CNTN3: variants seen among roughly 807,000 people sequenced by gnomAD.
CNTN3 encodes contactin-3.
Under a neutral mutation model 119.1 loss-of-function variants are expected in CNTN3, and 60 were observed. The ratio of observed to expected loss-of-function variants is 0.50; its 90% confidence interval spans 0.41 to 0.62. CNTN3 has a LOEUF of 0.62. CNTN3 is among the 20% of genes least tolerant of loss of function. CNTN3 has a pLI of 0.00. For synonymous variants in CNTN3, 450 were observed against 438.7 expected (o/e 1.03, Z -0.32); for missense variants, 1,101 against 1,242.4 (o/e 0.89, Z 1.71).
At chr3:74,610,320 C>T (rs1332327581) in intron 1 of CNTN3, among the ~76,000 whole-genome samples, 2 of 132,358 alleles carry the variant, frequency 1.5e-5, no homozygotes, top group Non-Finnish European at 3.1e-5. Flanking sequence ...GAGACCCTGT[C>T]GAAAAAAACA....
intron 4 of CNTN3, among the ~76,000 whole-genome samples, chr3:74,480,670 T>C (rs1318965399): frequency 6.7e-6 from 1 of 149,626 alleles, no homozygotes. Flanking sequence ...TAGATGTTTG[T>C]ACATGCTCAC....
chr3:74,440,647 T>C (rs762162558), intron 4 of CNTN3, among the ~76,000 whole-genome samples: 2 of 152,042 alleles, frequency 1.3e-5, no homozygotes, highest in Non-Finnish European at 2.9e-5. Flanking sequence ...ATACTTTTTT[T>C]CCTGTTGTTA....
intron 11 of CNTN3, among the ~76,000 whole-genome samples, chr3:74,354,543 T>G (rs1470106136): frequency 6.6e-6 from 1 of 151,978 alleles, no homozygotes; most frequent in Non-Finnish European, 1.5e-5. Context: ...TAGGTGGATT[T>G]AAGTGAATGA....
At chr3:74,391,345 T>C (rs762806013) in intron 5 of CNTN3, among the ~76,000 whole-genome samples, 17 of 152,278 alleles carry the variant, frequency 1.1e-4, no homozygotes, top group Non-Finnish European at 1.9e-4. Flanking sequence ...CTCAGGTGTA[T>C]GGGCTCTGAT....
intron 4 of CNTN3, among the ~76,000 whole-genome samples, chr3:74,427,612 G>T (rs558468450): frequency 6.6e-6 from 1 of 151,966 alleles, no homozygotes; most frequent in Non-Finnish European, 1.5e-5. Context: ...AGATGATAAA[G>T]AACACCTACA....
chr3:74,521,054 T>C lies in CNTN3; in HGVS notation c.55+4A>G. On this transcript the variant is annotated splice_donor_region_variant and intron_variant, in intron 2 of 22. Transcript: ENST00000263665. ...AACTTAGAAAATATAGGATTTTTTT[T>C]TACCTCCTAAGCAGCCAATGAATGA... is the stretch of plus-strand genomic sequence containing the variant. The C allele has an allele frequency of 1.7e-5, 27 of 1,578,960 alleles. No homozygotes were observed. The highest frequency in any genetic ancestry group is 2.3e-5 in the Non-Finnish European group (27 of 1,158,214).
chr3:74,325,421 A>T (rs905884877), intron 13 of CNTN3, among the ~76,000 whole-genome samples: 1 of 152,176 alleles, frequency 6.6e-6, no homozygotes, highest in Non-Finnish European at 1.5e-5. Flanking sequence ...CCTAATAAGC[A>T]AATGGAGAGA....
At chr3:74,429,822 A>G (rs1458440135) in intron 4 of CNTN3, among the ~76,000 whole-genome samples, 1 of 152,224 alleles carries the variant, frequency 6.6e-6, no homozygotes, top group Non-Finnish European at 1.5e-5. Flanking sequence ...GAAAATGGGA[A>G]GAAGACACAA....
intron 19 of CNTN3, among the ~76,000 whole-genome samples, chr3:74,288,984 T>C (rs1375782943): frequency 1.3e-5 from 2 of 152,182 alleles, no homozygotes; most frequent in Admixed American, 1.3e-4. Context: ...TGATGATGTG[T>C]GCTCAGCATG....
At chr3:74,603,761 C>T (rs1704949138) in intron 1 of CNTN3, among the ~76,000 whole-genome samples, 2 of 151,890 alleles carry the variant, frequency 1.3e-5, no homozygotes. Context: ...TCTACAGATT[C>T]AGTGCAAGTC....
At chr3:74,494,578 A>T (rs942262989) in intron 3 of CNTN3, among the ~76,000 whole-genome samples, 1 of 152,132 alleles carries the variant, frequency 6.6e-6, no homozygotes, top group Non-Finnish European at 1.5e-5. Context: ...GAGCCAAAAA[A>T]TAAGACTCAG....
chr3:74,546,001 T>C (rs1703909277), intron 1 of CNTN3, among the ~76,000 whole-genome samples: 1 of 152,128 alleles, frequency 6.6e-6, no homozygotes, highest in African/African-American at 2.4e-5. Flanking sequence ...TCCTTTCTTT[T>C]TTTTTTCTTT....
intron 13 of CNTN3, among the ~76,000 whole-genome samples, chr3:74,310,369 T>G (rs1427912657): frequency 6.6e-6 from 1 of 152,214 alleles, no homozygotes; most frequent in Non-Finnish European, 1.5e-5. Context: ...ATTATCATTT[T>G]TTTTTCTGTT....
At position 74,441,509 on chromosome 3, in the gene CNTN3, T is replaced by A. The variant is rs138075144; in HGVS notation, c.359-16569A>T. ...AGAAATGCATTACACAGGATGCTGG[T>A]TGACACATGGATACATTAGTTTAGT... On this transcript the variant is annotated intron_variant, in intron 4 of 22. Transcript: ENST00000263665. Among the ~76,000 whole-genome samples the A allele has an allele frequency of 6.8e-3, 1,038 of 152,302 alleles. 15 individuals are homozygous for A. Among genetic ancestry groups the A allele is most frequent in the African/African-American group, 0.024 (997 of 41,570 alleles).
In CNTN3 at chr3:74,365,720, G is replaced by A; in HGVS notation, c.947-18C>T. Reference sequence around the variant, plus strand: ...GGGCTTTGCTTCAATGAAAGAAAAGGAAAAAGAAAAGAAATTTAAACCACC... The same window carrying A: ...GGGCTTTGCTTCAATGAAAGAAAAGAAAAAAGAAAAGAAATTTAAACCACC... On this transcript the variant is annotated intron_variant, in intron 8 of 22. Transcript: ENST00000263665. 3 of 1,581,898 alleles carry A rather than the reference G, an allele frequency of 1.9e-6. No individual in the cohort carries two copies. The highest frequency in any genetic ancestry group is 3.7e-5 in the Admixed American group (2 of 54,432).
chr3:74,455,811 G>A (rs976365359), intron 4 of CNTN3, among the ~76,000 whole-genome samples: 9 of 151,952 alleles, frequency 5.9e-5, no homozygotes, highest in African/African-American at 4.8e-5. Flanking sequence ...AAGCTTCACT[G>A]TGCATCAAAA....
intron 11 of CNTN3, among the ~76,000 whole-genome samples, chr3:74,344,485 G>C (rs1054873070): frequency 7.9e-6 from 1 of 126,306 alleles, no homozygotes; most frequent in Non-Finnish European, 1.6e-5. Context: ...GAGTACAGTG[G>C]CGCGATCTGG....
rs191170551 is a variant in CNTN3 at position 74,358,977 on chromosome 3, G to A, written c.1364+2913C>T. On this transcript the variant is annotated intron_variant, in intron 11 of 22. Transcript: ENST00000263665. ...ATGGCTGCATAGTATTCCATGGTGT[G>A]TATGTGCCACATTTTCTTAATCCAG... is the stretch of plus-strand genomic sequence containing the variant. 7.5e-3 allele frequency among the ~76,000 whole-genome samples: 1,142 copies of A among 151,978 alleles called. 10 individuals are homozygous for A. Among genetic ancestry groups the A allele is most frequent in the Non-Finnish European group, 0.01 (702 of 67,964 alleles).
intron 3 of CNTN3, among the ~76,000 whole-genome samples, chr3:74,495,146 C>G (rs561506479): frequency 3.3e-5 from 5 of 152,026 alleles, no homozygotes; most frequent in African/African-American, 9.6e-5. Context: ...GCTGGAGAAG[C>G]CAGGATGTGG....
Sources: gnomAD v4.1 joint callset for allele counts (sites outside exome capture counted in the v4.1 genomes callset) on GRCh38, gnomAD v4.1.1 for gene constraint, MANE v1.5 for transcripts, NCBI Gene and HGNC (gene_info 2026-07-23, HGNC 2026-07-21) for gene names.